COL26A1: variants seen among roughly 807,000 people sequenced by gnomAD.
The protein encoded by COL26A1 is collagen type XXVI alpha 1 chain.
COL26A1 carries 41 observed loss-of-function variants against 59.3 expected under a neutral mutation model. That is an observed-to-expected ratio of 0.69 (90% CI 0.54 to 0.90). COL26A1 has a LOEUF of 0.90. Ranked by LOEUF, COL26A1 falls within the 40% of genes least tolerant of loss-of-function variation. COL26A1 has a pLI of 0.00. For synonymous variants in COL26A1, 266 were observed against 256.0 expected, an observed-to-expected ratio of 1.04 and a Z score of -0.37; for missense variants, 612 against 602.3, an observed-to-expected ratio of 1.02 and a Z score of -0.17.
At chr7:101,543,908 C>T (rs1795670099) in intron 5 of COL26A1, 90 bp from the exon 6 acceptor site, 10 of 888,140 alleles carry the variant, frequency 1.1e-5, no homozygotes, top group Admixed American at 8.1e-5. Flanking sequence ...CCTGGGGGAA[C>T]GTAGGCTGAC....
chr7:101,491,500 G>A (rs1794459752), intron 3 of COL26A1, among the ~76,000 whole-genome samples: 2 of 152,180 alleles, frequency 1.3e-5, no homozygotes, highest in Non-Finnish European at 2.9e-5. Context: ...TATGAAGAAA[G>A]TACAGGAATA....
At chr7:101,469,770 G>A (rs898832975) in intron 3 of COL26A1, among the ~76,000 whole-genome samples, 2 of 151,950 alleles carry the variant, frequency 1.3e-5, no homozygotes, top group African/African-American at 2.4e-5. Context: ...GATTACAGGC[G>A]TGAACCACCG....
intron 3 of COL26A1, among the ~76,000 whole-genome samples, chr7:101,476,688 C>T (rs111948384): frequency 0.088 from 13,372 of 151,606 alleles, 670 homozygotes; most frequent in Middle Eastern, 0.13. Context: ...CCTGGGACTA[C>T]AGGCGCCCGC....
chr7:101,362,840 C>T (rs1474845139), upstream of COL26A1: 11 of 574,408 alleles, frequency 1.9e-5, no homozygotes, highest in East Asian at 1.0e-4. Flanking sequence ...CCCACCTCGC[C>T]GAATTTGAAA....
At chr7:101,473,695 C>T (rs1407283377) in intron 3 of COL26A1, among the ~76,000 whole-genome samples, 5 of 146,594 alleles carry the variant, frequency 3.4e-5, no homozygotes, top group Non-Finnish European at 6.0e-5. Flanking sequence ...CAAAACAAAA[C>T]AAAAAAAATT....
chr7:101,540,010 C>T lies in COL26A1; in HGVS notation c.565C>T (p.His189Tyr), dbSNP rs1562796357. The change falls in exon 5 of 13, where the codon CAC (histidine) becomes TAC (tyrosine). Residue 189 changes from histidine (H) to tyrosine (Y), a missense_variant. Physicochemically the swap from His to Tyr is moderately conservative, Grantham distance 83. Transcript: ENST00000313669. Reference protein sequence around the residue: ...DFLPDAIPLAHPVPRQRRPTG... With the variant: ...DFLPDAIPLAYPVPRQRRPTG... ...CCTCCCCGACGCCATCCCTCTTGCTCACCCTGTGCCACGACAGAGAAGGCC... is the reference window on the plus strand; with the variant it reads ...CCTCCCCGACGCCATCCCTCTTGCTTACCCTGTGCCACGACAGAGAAGGCC... 2 of 1,613,368 alleles carry T rather than the reference C, an allele frequency of 1.2e-6. No homozygotes were observed. The highest frequency in any genetic ancestry group is 1.7e-6 in the Non-Finnish European group (2 of 1,179,826).
At chr7:101,375,017 A>T (rs1159082612) in intron 1 of COL26A1, among the ~76,000 whole-genome samples, 1 of 152,048 alleles carries the variant, frequency 6.6e-6, no homozygotes, top group South Asian at 2.1e-4. Flanking sequence ...CCGAGATCAC[A>T]CCACTGCACT....
chr7:101,403,627 C>A (rs975587902), intron 1 of COL26A1, among the ~76,000 whole-genome samples: 2 of 152,156 alleles, frequency 1.3e-5, no homozygotes, highest in Non-Finnish European at 2.9e-5. Context: ...ATGCTCCTGC[C>A]TCGACCTCTC....
intron 1 of COL26A1, among the ~76,000 whole-genome samples, chr7:101,385,165 A>G (rs985474561): frequency 7.6e-6 from 1 of 132,156 alleles, no homozygotes; most frequent in African/African-American, 2.5e-5. Context: ...AGAAACAACT[A>G]GAAACAATAC....
chr7:101,528,455 T>TG (rs1210717239), intron 3 of COL26A1, among the ~76,000 whole-genome samples: 1 of 151,804 alleles, frequency 6.6e-6, no homozygotes, highest in Non-Finnish European at 1.5e-5. Context: ...GCCCCAAGGG[T>TG]GGGGTGGTGT....
At chr7:101,531,448 T>A (rs953080196) in intron 3 of COL26A1, among the ~76,000 whole-genome samples, 1 of 152,248 alleles carries the variant, frequency 6.6e-6, no homozygotes, top group African/African-American at 2.4e-5. Context: ...ATGTTCAGTG[T>A]TTATACCTCA....
At chr7:101,452,646 C>A (rs1312931657) in intron 3 of COL26A1, among the ~76,000 whole-genome samples, 1 of 152,058 alleles carries the variant, frequency 6.6e-6, no homozygotes, top group Non-Finnish European at 1.5e-5. Context: ...GGGCTACAAA[C>A]CTGTATAGCA....
At chr7:101,514,411 T>C (rs534696805) in intron 3 of COL26A1, among the ~76,000 whole-genome samples, 25 of 152,078 alleles carry the variant, frequency 1.6e-4, no homozygotes, top group African/African-American at 4.3e-4. Flanking sequence ...ACCCACCAGA[T>C]TGGCAGAGCT....
At chr7:101,471,360 C>CT (rs1213946366) in intron 3 of COL26A1, among the ~76,000 whole-genome samples, 1 of 152,154 alleles carries the variant, frequency 6.6e-6, no homozygotes, top group African/African-American at 2.4e-5. Flanking sequence ...GTCATCTAGA[C>CT]TCCCAATAGT....
intron 3 of COL26A1, among the ~76,000 whole-genome samples, chr7:101,528,364 C>T (rs1795293330): frequency 6.6e-6 from 1 of 152,194 alleles, no homozygotes; most frequent in Non-Finnish European, 1.5e-5. Context: ...CCAGATTGTG[C>T]AGTTTGCCCA....
At chr7:101,408,718 G>C (rs1792182024) in intron 1 of COL26A1, among the ~76,000 whole-genome samples, 1 of 152,218 alleles carries the variant, frequency 6.6e-6, no homozygotes, top group Non-Finnish European at 1.5e-5. Context: ...GGGCTCTGGG[G>C]CTGCAGTGCA....
At chr7:101,401,055 G>T (rs745579765) in intron 1 of COL26A1, among the ~76,000 whole-genome samples, 5 of 152,194 alleles carry the variant, frequency 3.3e-5, no homozygotes, top group Non-Finnish European at 7.3e-5. Context: ...GCTGCATTTG[G>T]CTGGAAGTTG....
At chr7:101,438,168 G>C (rs111675667) in intron 2 of COL26A1, among the ~76,000 whole-genome samples, 17,133 of 151,234 alleles carry the variant, frequency 0.11, 2,023 homozygotes, top group African/African-American at 0.28. Flanking sequence ...TGGAGACCAG[G>C]CTAACCAACA....
chr7:101,539,148 A>G (rs1458917626), intron 4 of COL26A1, among the ~76,000 whole-genome samples: 2 of 152,186 alleles, frequency 1.3e-5, no homozygotes, highest in Non-Finnish European at 2.9e-5. Flanking sequence ...GCCGCATTGC[A>G]GGCTGGTCCC....
Sources: allele counts gnomAD v4.1 joint callset (sites outside exome capture counted in the v4.1 genomes callset), GRCh38; gene constraint gnomAD v4.1.1; transcripts MANE v1.5; gene names NCBI Gene and HGNC (gene_info 2026-07-23, HGNC 2026-07-21).